RBFOX3: variants seen among roughly 807,000 people sequenced by gnomAD.
RBFOX3 encodes RNA binding fox-1 homolog 3.
In RBFOX3, 17 loss-of-function variants were observed where a neutral mutation model predicts 48.7. The ratio of observed to expected loss-of-function variants is 0.35; its 90% CI spans 0.24 to 0.52. The LOEUF (loss-of-function observed/expected upper bound fraction) is 0.52. Ranked by LOEUF, RBFOX3 falls within the 20% of genes least tolerant of loss-of-function variation. The pLI, the probability that RBFOX3 is intolerant of heterozygous loss-of-function variation, is 0.94. For synonymous variants in RBFOX3, 212 were observed against 209.5 expected, an observed-to-expected ratio of 1.01 and a Z score of -0.10; for missense variants, 382 against 497.5, an observed-to-expected ratio of 0.77 and a Z score of 2.21.
At chr17:79,102,707 G>C (rs1305587884) in intron 8 of RBFOX3, among the ~76,000 whole-genome samples, 2 of 152,224 alleles carry the variant, frequency 1.3e-5, no homozygotes, top group African/African-American at 4.8e-5. Context: ...CCCAAACAAG[G>C]GGTGGAGTGG....
At chr17:79,274,410 A>G (rs147043812) in intron 3 of RBFOX3, among the ~76,000 whole-genome samples, 1 of 152,336 alleles carries the variant, frequency 6.6e-6, no homozygotes, top group East Asian at 1.9e-4. Context: ...GGCCCAGCAC[A>G]TGGTAAGTGC....
At chr17:79,633,822 C>T in the RBFOX3 span, among the ~76,000 whole-genome samples, 2 of 152,168 alleles carry the variant, frequency 1.3e-5, no homozygotes, top group African/African-American at 4.8e-5. Context: ...CTAAGAGCCC[C>T]GTGTCCTGAT....
chr17:79,467,999 T>C (rs1375510165), intron 2 of RBFOX3, among the ~76,000 whole-genome samples: 1 of 151,950 alleles, frequency 6.6e-6, no homozygotes, highest in African/African-American at 2.4e-5. Flanking sequence ...GAGGCAGACG[T>C]CATGCCTCCT....
chr17:79,420,536 G>C (rs1028217355), intron 2 of RBFOX3, among the ~76,000 whole-genome samples: 9 of 152,164 alleles, frequency 5.9e-5, no homozygotes, highest in African/African-American at 2.2e-4. Flanking sequence ...CCAGCACCTA[G>C]GTCTGCCCCC....
At position 79,104,064 on chromosome 17, in the gene RBFOX3, G is replaced by A. The variant is rs911641608; in HGVS notation, c.414+9C>T. ...GCGCTGTAAGGCGGCAGCTCCGTGC[G>A]GCACCCACCTTGGAGCCCCGCTCGT... is the stretch of plus-strand genomic sequence containing the variant. On this transcript the variant is annotated intron_variant, in intron 7 of 14. Coordinates refer to ENST00000693108, the MANE Select transcript of RBFOX3 (RefSeq NM_001350451.2). 73 of 1,550,166 alleles carry A rather than the reference G, an allele frequency of 4.7e-5. No homozygotes were observed. The highest frequency in any genetic ancestry group is 5.8e-5 in the Non-Finnish European group (67 of 1,146,346).
At chr17:79,343,885 T>C (rs904397884) in intron 2 of RBFOX3, among the ~76,000 whole-genome samples, 4 of 152,262 alleles carry the variant, frequency 2.6e-5, no homozygotes, top group Admixed American at 2.6e-4. Flanking sequence ...AGCCTGCCCG[T>C]ATCTAAGCTC....
intron 4 of RBFOX3, chr17:79,234,380 T>C (rs2061388712): frequency 6.6e-6 from 1 of 152,280 alleles, no homozygotes; most frequent in African/African-American, 2.4e-5. Context: ...CCAGGCCATC[T>C]GGTCAGTGCC....
rs547150404 is a variant in RBFOX3 at position 79,220,814 on chromosome 17, G to A, written c.-34+14952C>T. 1.3e-5 allele frequency among the ~76,000 whole-genome samples: 2 copies of A among 152,140 alleles called. No homozygotes were observed. Among genetic ancestry groups the A allele is most frequent in the Non-Finnish European group, 2.9e-5 (2 of 67,990 alleles). The stretch of plus-strand genomic sequence containing the variant: ...TTGGAGCAGCAGGGAGGGAGGAGAA[G>A]CAGCTCCTGCAGAGGCGGGGCGGCT... On this transcript the variant is annotated intron_variant, in intron 4 of 14. Coordinates refer to ENST00000693108, the MANE Select transcript of RBFOX3 (RefSeq NM_001350451.2). The surrounding 1 kb of genome is among the most constrained non-coding windows in gnomAD (Gnocchi z 5.9).
At chr17:79,623,920 C>T in the RBFOX3 span, among the ~76,000 whole-genome samples, 13 of 151,852 alleles carry the variant, frequency 8.6e-5, no homozygotes, top group Non-Finnish European at 5.9e-5. Flanking sequence ...CTGCTGGCTC[C>T]GCAGGGTGAG....
chr17:79,548,062 T>C (rs572290096), intron 1 of RBFOX3, among the ~76,000 whole-genome samples: 119 of 152,346 alleles, frequency 7.8e-4, no homozygotes, highest in African/African-American at 2.7e-3. Context: ...TCAAATATTA[T>C]GGAAAAATCA....
chr17:79,619,747 G>A, the RBFOX3 span, among the ~76,000 whole-genome samples: 5 of 151,968 alleles, frequency 3.3e-5, no homozygotes, highest in Admixed American at 6.5e-5. Context: ...CCACGTCCCG[G>A]ACGGACAGGG....
intron 1 of RBFOX3, among the ~76,000 whole-genome samples, chr17:79,484,284 G>A (rs2079192911): frequency 1.3e-5 from 2 of 152,222 alleles, no homozygotes; most frequent in East Asian, 1.9e-4. Flanking sequence ...AGCAGAACCA[G>A]CATCACAGAG....
At chr17:79,628,214 AG>A in the RBFOX3 span, among the ~76,000 whole-genome samples, 1 of 151,938 alleles carries the variant, frequency 6.6e-6, no homozygotes, top group Non-Finnish European at 1.5e-5. Flanking sequence ...CCTTGGCTCA[AG>A]TCACCCTCCC....
rs2063646085 is a variant in RBFOX3 at position 79,249,598 on chromosome 17, G to C, written c.-73-13793C>G. On this transcript the variant is annotated intron_variant, in intron 3 of 14. Coordinates refer to ENST00000693108, the MANE Select transcript of RBFOX3 (RefSeq NM_001350451.2). The surrounding 1 kb of genome is among the most constrained non-coding windows in gnomAD (Gnocchi z 4.1). ...GTTTACCTGTCCTAATCACCCCAGA[G>C]CCAGGTACAGACAATCAGATCCAGC... Among the ~76,000 whole-genome samples, 1 of 152,070 alleles carries C rather than the reference G, an allele frequency of 6.6e-6. No individual in the cohort carries two copies. Among genetic ancestry groups the C allele is most frequent in the Non-Finnish European group, 1.5e-5 (1 of 68,026 alleles).
intron 2 of RBFOX3, among the ~76,000 whole-genome samples, chr17:79,478,216 G>A (rs997343360): frequency 8.5e-5 from 13 of 152,322 alleles, no homozygotes; most frequent in East Asian, 1.9e-4. Flanking sequence ...GACAAGAGAC[G>A]GGCGTGATGG....
intron 1 of RBFOX3, chr17:79,598,919 G>C (rs1285318405): frequency 6.6e-6 from 1 of 152,206 alleles, no homozygotes; most frequent in Non-Finnish European, 1.5e-5. Context: ...CAGTTCCACA[G>C]AGTCCCAGGC....
intron 1 of RBFOX3, among the ~76,000 whole-genome samples, chr17:79,542,569 A>C (rs1172751299): frequency 2.0e-5 from 3 of 152,212 alleles, no homozygotes; most frequent in African/African-American, 4.8e-5. Context: ...GGATCACCTG[A>C]GATCAGGAGT....
At chr17:79,462,442 C>T (rs1341721593) in intron 2 of RBFOX3, among the ~76,000 whole-genome samples, 4 of 152,212 alleles carry the variant, frequency 2.6e-5, no homozygotes, top group Admixed American at 6.5e-5. Flanking sequence ...CGGTGTCTTA[C>T]GCACAGTTAG....
chr17:79,379,944 C>G (rs776863045), intron 2 of RBFOX3, among the ~76,000 whole-genome samples: 1 of 152,196 alleles, frequency 6.6e-6, no homozygotes, highest in East Asian at 1.9e-4. Flanking sequence ...TCTCCCGCAC[C>G]CTCCTTGGTA....
Sources: gnomAD v4.1 joint callset for allele counts (sites outside exome capture counted in the v4.1 genomes callset) on GRCh38, gnomAD v4.1.1 for gene constraint, Gnocchi (gnomAD v3.1) non-coding constraint, MANE v1.5 for transcripts, NCBI Gene and HGNC (gene_info 2026-07-23, HGNC 2026-07-21) for gene names.